Variants in TENM3 observed in about 807,000 individuals in gnomAD.
The protein encoded by TENM3 is teneurin transmembrane protein 3, also known as teneurin-3.
In TENM3, 63 loss-of-function variants were observed where a neutral mutation model predicts 255.1. That is an observed-to-expected ratio of 0.25 (90% CI 0.20 to 0.30). The LOEUF (loss-of-function observed/expected upper bound fraction) is 0.30. Ranked by LOEUF, TENM3 falls within the 10% of genes least tolerant of loss-of-function variation. The probability of loss-of-function intolerance (pLI) is 1.00; values close to 1 mark genes in which losing one functional copy is unlikely to be tolerated. For missense variants in TENM3, 2,929 were observed against 3,461.1 expected (o/e 0.85, Z 3.86); for synonymous variants, 1,306 against 1,322.3 (o/e 0.99, Z 0.27).
chr4:182,552,240 A>G (rs1742120095), intron 3 of TENM3, among the ~76,000 whole-genome samples: 1 of 152,094 alleles, frequency 6.6e-6, no homozygotes. Flanking sequence ...GTTCAAGACT[A>G]GCCTGGGCAA....
At chr4:182,002,281 C>T in the TENM3 span, among the ~76,000 whole-genome samples, 2 of 152,016 alleles carry the variant, frequency 1.3e-5, no homozygotes, top group Non-Finnish European at 2.9e-5. Context: ...TGAAACAAGT[C>T]AGAGTTGATG....
chr4:181,982,064 A>G, the TENM3 span, among the ~76,000 whole-genome samples: 1 of 152,312 alleles, frequency 6.6e-6, no homozygotes, highest in African/African-American at 2.4e-5. Flanking sequence ...TCCCTGTGGT[A>G]TAGAGACCAG....
chr4:181,824,268 ATT>A, the TENM3 span, among the ~76,000 whole-genome samples: 10,391 of 144,986 alleles, frequency 0.072, 496 homozygotes, highest in East Asian at 0.18. Context: ...CACCTGGCTA[ATT>A]TTTTTTTTTT....
chr4:181,642,774 T>C, the TENM3 span, among the ~76,000 whole-genome samples: 3 of 152,228 alleles, frequency 2.0e-5, no homozygotes, highest in Admixed American at 6.5e-5. Context: ...CCTTTCCACA[T>C]TGCTTGTTTT....
chr4:181,796,126 C>T, the TENM3 span, among the ~76,000 whole-genome samples: 1 of 152,130 alleles, frequency 6.6e-6, no homozygotes, highest in Non-Finnish European at 1.5e-5. Flanking sequence ...CTGCCAGCAA[C>T]CAAGGTACAG....
At chr4:182,356,339 A>G (rs908108708) in intron 3 of TENM3, among the ~76,000 whole-genome samples, 7 of 152,120 alleles carry the variant, frequency 4.6e-5, no homozygotes, top group Admixed American at 2.0e-4. Context: ...CCCATCTCAG[A>G]GAAAAAGCTT....
At chr4:182,274,916 C>G (rs189369693) in intron 1 of TENM3, among the ~76,000 whole-genome samples, 5 of 152,034 alleles carry the variant, frequency 3.3e-5, no homozygotes, top group Non-Finnish European at 7.4e-5. Context: ...CTCTGCCTCC[C>G]GGGTTCAAGC....
the TENM3 span, among the ~76,000 whole-genome samples, chr4:182,126,582 C>T: frequency 2.0e-5 from 3 of 152,242 alleles, no homozygotes; most frequent in Non-Finnish European, 4.4e-5. Flanking sequence ...TAGCCTCTAA[C>T]GTGATCTTCT....
At chr4:182,379,816 A>G (rs1036342580) in intron 3 of TENM3, among the ~76,000 whole-genome samples, 1 of 152,106 alleles carries the variant, frequency 6.6e-6, no homozygotes, top group African/African-American at 2.4e-5. Flanking sequence ...ATCTCTTGGT[A>G]TTTCCATTTC....
chr4:182,011,274 T>C, the TENM3 span, among the ~76,000 whole-genome samples: 5 of 152,250 alleles, frequency 3.3e-5, no homozygotes, highest in African/African-American at 1.2e-4. Context: ...ACCTTACTGA[T>C]GGACACCATC....
At chr4:182,762,845 A>G (rs1374794524) in intron 22 of TENM3, among the ~76,000 whole-genome samples, 1 of 152,088 alleles carries the variant, frequency 6.6e-6, no homozygotes, top group Non-Finnish European at 1.5e-5. Flanking sequence ...AAGTCACCCT[A>G]ACTCCTCACT....
chr4:181,570,544 A>G, the TENM3 span, among the ~76,000 whole-genome samples: 3 of 151,610 alleles, frequency 2.0e-5, no homozygotes, highest in South Asian at 2.1e-4. Context: ...AAAGAAAGAA[A>G]GAAAAGAGAG....
the TENM3 span, among the ~76,000 whole-genome samples, chr4:181,469,423 T>A: frequency 6.6e-6 from 1 of 152,220 alleles, no homozygotes; most frequent in Non-Finnish European, 1.5e-5. Flanking sequence ...AAATATAATA[T>A]TCCTACTTGG....
chr4:182,029,462 C>T, the TENM3 span, among the ~76,000 whole-genome samples: 1 of 151,682 alleles, frequency 6.6e-6, no homozygotes. Context: ...GTATTAGGGC[C>T]TATCTCTCTC....
chr4:182,757,390 G>T (rs140828252), intron 22 of TENM3, among the ~76,000 whole-genome samples: 7 of 151,838 alleles, frequency 4.6e-5, no homozygotes, highest in South Asian at 2.1e-4. Context: ...AGTTGAAAGT[G>T]GGGGAAACAT....
the TENM3 span, among the ~76,000 whole-genome samples, chr4:181,542,165 G>A: frequency 6.6e-6 from 1 of 152,172 alleles, no homozygotes; most frequent in Non-Finnish European, 1.5e-5. Context: ...AAAGTAGAAA[G>A]TGTCTTCTGA....
At chr4:181,746,929 C>T in the TENM3 span, among the ~76,000 whole-genome samples, 1 of 151,926 alleles carries the variant, frequency 6.6e-6, no homozygotes, top group Admixed American at 6.6e-5. Context: ...CATTGATGTA[C>T]CCTTTGGTCA....
the TENM3 span, among the ~76,000 whole-genome samples, chr4:181,528,661 G>C: frequency 2.0e-5 from 3 of 152,202 alleles, no homozygotes; most frequent in African/African-American, 7.2e-5. Flanking sequence ...AGGAAAGTGA[G>C]GCTGAGGGAG....
At chr4:182,161,460 A>G (rs191008663) in intron 1 of TENM3, among the ~76,000 whole-genome samples, 12,321 of 125,730 alleles carry the variant, frequency 0.098, 1,111 homozygotes, top group East Asian at 0.34. Context: ...GGTGGCGCAC[A>G]CCTGTAATCC....
Sources: gnomAD v4.1 joint callset for allele counts (sites outside exome capture counted in the v4.1 genomes callset) on GRCh38, gnomAD v4.1.1 for gene constraint, MANE v1.5 for transcripts, NCBI Gene and HGNC (gene_info 2026-07-23, HGNC 2026-07-21) for gene names.